Variants in COG5 observed in about 807,000 individuals in gnomAD.
The protein encoded by COG5 is component of oligomeric golgi complex 5.
Under a neutral mutation model 110.4 loss-of-function variants are expected in COG5, and 86 were observed. That is an observed-to-expected ratio of 0.78 (90% CI 0.65 to 0.93). COG5 has a LOEUF of 0.93. Among genes scored for constraint, COG5 ranks in the 40% least tolerant of loss-of-function variants. The pLI is 0.00. For missense variants in COG5, 1,077 were observed against 987.0 expected (o/e 1.09, Z -1.22); for synonymous variants, 360 against 334.6 (o/e 1.08, Z -0.83).
intron 6 of COG5, among the ~76,000 whole-genome samples, chr7:107,509,322 TGAAGCGA>T (rs903010944): frequency 6.6e-6 from 1 of 151,946 alleles, no homozygotes; most frequent in African/African-American, 2.4e-5. Context: ...ATGAATGAAC[TGAAGCGA>T]GAAGGGAAGT....
intron 6 of COG5, among the ~76,000 whole-genome samples, chr7:107,417,429 C>T (rs896513912): frequency 1.3e-5 from 2 of 151,992 alleles, no homozygotes; most frequent in Non-Finnish European, 2.9e-5. Flanking sequence ...TTTGACAGCT[C>T]CCAATATTTC....
At chr7:107,278,368 C>T (rs1295719919) in intron 14 of COG5, among the ~76,000 whole-genome samples, 1 of 152,044 alleles carries the variant, frequency 6.6e-6, no homozygotes, top group African/African-American at 2.4e-5. Context: ...GTTTGCTGCA[C>T]CCATCAACCT....
intron 11 of COG5, among the ~76,000 whole-genome samples, chr7:107,306,986 A>G (rs1035055810): frequency 2.0e-5 from 3 of 152,166 alleles, no homozygotes; most frequent in Non-Finnish European, 4.4e-5. Flanking sequence ...GCTTCCTCTT[A>G]GGATCAATAA....
intron 7 of COG5, among the ~76,000 whole-genome samples, chr7:107,409,946 G>GT (rs1262246576): frequency 6.6e-6 from 1 of 152,196 alleles, no homozygotes; most frequent in Admixed American, 6.5e-5. Context: ...TAATAAAAAA[G>GT]TAATTGAAGC....
intron 6 of COG5, among the ~76,000 whole-genome samples, chr7:107,416,562 T>A (rs894323312): frequency 4.6e-5 from 7 of 152,206 alleles, no homozygotes; most frequent in African/African-American, 1.7e-4. Flanking sequence ...TTATAACTTA[T>A]ATATGTTAAA....
chr7:107,495,445 CA>C (rs1798217120), intron 6 of COG5, among the ~76,000 whole-genome samples: 1 of 151,966 alleles, frequency 6.6e-6, no homozygotes, highest in South Asian at 2.1e-4. Flanking sequence ...CAGGCTAGAA[CA>C]AAAACAACAT....
At chr7:107,347,763 A>G (rs912941612) in intron 10 of COG5, among the ~76,000 whole-genome samples, 5 of 152,148 alleles carry the variant, frequency 3.3e-5, no homozygotes. Context: ...TTTGAATTCT[A>G]TTATTTCTTA....
Position 107,505,792 on chromosome 7 carries a change from C to G in COG5, c.538+21445G>C, listed in dbSNP as rs1390564629. ...GTGGTCCCTTGATGTGGTACACTCT[C>G]CCTTCCCCTAGAAACAGGTGTCCCT... On this transcript the variant is annotated intron_variant, in intron 6 of 21. Coordinates refer to ENST00000297135, the MANE Select transcript of COG5 (RefSeq NM_006348.5). Among the ~76,000 whole-genome samples the G allele has an allele frequency of 2.6e-5, 4 of 152,202 alleles. No individual in the cohort carries two copies. In the East Asian group the frequency reaches 7.7e-4, roughly 29 times the overall value.
At chr7:107,309,773 T>C (rs1352446102) in intron 11 of COG5, among the ~76,000 whole-genome samples, 4 of 152,242 alleles carry the variant, frequency 2.6e-5, no homozygotes, top group African/African-American at 9.6e-5. Context: ...ATTTTCATTT[T>C]GTTTTATAAA....
intron 7 of COG5, among the ~76,000 whole-genome samples, chr7:107,402,299 G>A (rs76821360): frequency 0.012 from 1,771 of 152,212 alleles, 41 homozygotes; most frequent in African/African-American, 0.039. Flanking sequence ...TTACCACAGG[G>A]TCGAGATTAT....
intron 5 of COG5, among the ~76,000 whole-genome samples, chr7:107,537,891 C>A (rs1007982804): frequency 6.6e-6 from 1 of 152,104 alleles, no homozygotes; most frequent in African/African-American, 2.4e-5. Context: ...TGAGATACTA[C>A]TTCATACCCA....
In COG5 at chr7:107,219,439, T is replaced by C. The variant is rs150309231; in HGVS notation, c.2169-8214A>G. 2.6e-3 allele frequency among the ~76,000 whole-genome samples: 402 copies of C among 152,304 alleles called. 3 individuals carry two copies. The highest frequency in any genetic ancestry group is 9.1e-3 in the African/African-American group (377 of 41,560). Reference sequence around the variant, plus strand: ...CCAAGTTATGGAATCAATCTAAGTGTCTATCAATGGATGAGTAGATAAAGA... The same window carrying C: ...CCAAGTTATGGAATCAATCTAAGTGCCTATCAATGGATGAGTAGATAAAGA... On this transcript the variant is annotated intron_variant, in intron 19 of 21. Transcript: ENST00000297135.
At chr7:107,286,194 G>A (rs140379711) in intron 12 of COG5, among the ~76,000 whole-genome samples, 11 of 152,226 alleles carry the variant, frequency 7.2e-5, no homozygotes, top group African/African-American at 2.6e-4. Context: ...TGGCTGTGTT[G>A]GCCAGAGGTG....
chr7:107,232,808 A>T (rs1446314686), intron 18 of COG5, among the ~76,000 whole-genome samples: 2 of 152,162 alleles, frequency 1.3e-5, no homozygotes, highest in Non-Finnish European at 2.9e-5. Context: ...TTAGCAGCGG[A>T]TACAAAAGTG....
rs1805922770 is a variant in COG5, at chr7:107,288,956, A to ATATATG, written c.1314-5225_1314-5224insCATATA. On this transcript the variant is annotated intron_variant, in intron 12 of 21. Coordinates refer to ENST00000297135, the MANE Select transcript of COG5 (RefSeq NM_006348.5). ...TATATATATATATATATATATATATATATATATTTAAAAATTTATCTATAT... is the reference window on the plus strand; with the variant it reads ...TATATATATATATATATATATATATATATATGTATATATTTAAAAATTTATCTATAT... Among the ~76,000 whole-genome samples the ATATATG allele has an allele frequency of 2.9e-5, 3 of 102,282 alleles. No individual in the cohort carries two copies. The South Asian group carries it at 9.1e-4, about 31-fold the overall frequency. The allele number at this position is 102,282 out of a possible 152,430, so 67.1% of individuals were successfully genotyped here.
chr7:107,214,969 G>A (rs111593879), intron 19 of COG5, among the ~76,000 whole-genome samples: 3 of 151,832 alleles, frequency 2.0e-5, no homozygotes, highest in African/African-American at 4.8e-5. Flanking sequence ...CCAAATTAGG[G>A]ATACAAATTA....
At chr7:107,450,711 C>T (rs1240763427) in intron 6 of COG5, among the ~76,000 whole-genome samples, 1 of 152,188 alleles carries the variant, frequency 6.6e-6, no homozygotes, top group East Asian at 1.9e-4. Flanking sequence ...TCTATTAAAG[C>T]TACTAACCCC....
At chr7:107,387,216 G>A (rs1303712223) in intron 7 of COG5, among the ~76,000 whole-genome samples, 1 of 152,206 alleles carries the variant, frequency 6.6e-6, no homozygotes, top group Admixed American at 6.5e-5. Flanking sequence ...CAGCGGGTAA[G>A]CTCACAAACC....
At chr7:107,562,380 CGTCTCCACCTAGAAAGCCTT>C (rs2129182450) in intron 1 of COG5, among the ~76,000 whole-genome samples, 1 of 152,332 alleles carries the variant, frequency 6.6e-6, no homozygotes, top group East Asian at 1.9e-4. Context: ...CAGTTTAAAA[CGTCTCCACCTAGAAAGCCTT>C]TTCTGACATT....
Sources: gnomAD v4.1 joint callset for allele counts (sites outside exome capture counted in the v4.1 genomes callset) on GRCh38, gnomAD v4.1.1 for gene constraint, MANE v1.5 for transcripts, NCBI Gene and HGNC (gene_info 2026-07-23, HGNC 2026-07-21) for gene names.